Variants in ADAD2 observed in about 807,000 individuals in gnomAD.
ADAD2 encodes adenosine deaminase domain containing 2, also known as adenosine deaminase domain-containing protein 2.
ADAD2 carries 60 observed loss-of-function variants against 54.5 expected under a neutral mutation model. That is an observed-to-expected ratio of 1.10 (90% CI 0.89 to 1.36). ADAD2 has a LOEUF of 1.36. Among genes scored for constraint, ADAD2 ranks in the 40% most tolerant of loss-of-function variants. The pLI, the probability that ADAD2 is intolerant of heterozygous loss-of-function variation, is 0.00. For synonymous variants in ADAD2, 543 were observed against 366.2 expected, an observed-to-expected ratio of 1.48 and a Z score of -5.51; for missense variants, 1,103 against 801.3, an observed-to-expected ratio of 1.38 and a Z score of -4.54.
In ADAD2 at chr16:84,197,079, A is replaced by AAACTGGGGCTGGAGGG; in HGVS notation, c.*108_*123dup. On this transcript the variant is annotated 3_prime_UTR_variant, in exon 10 of 10. Coordinates refer to ENST00000315906, the MANE Select transcript of ADAD2 (RefSeq NM_001145400.2). The stretch of plus-strand genomic sequence containing the variant: ...GGGAGAACATGGGTTGTGCGGGGTG[A>AAACTGGGGCTGGAGGG]AACTGGGGCTGGAGGGAAGGAGGAG... The AAACTGGGGCTGGAGGG allele has an allele frequency of 8.5e-7, 1 of 1,181,050 alleles. No individual in the cohort carries two copies. Among genetic ancestry groups the AAACTGGGGCTGGAGGG allele is most frequent in the Admixed American group, 2.4e-5 (1 of 42,504 alleles). 73.2% of individuals were successfully genotyped at this position (1,181,050 alleles called of 1,614,324 possible).
intron 8 of ADAD2, 121 bp from the exon 9 acceptor site, chr16:84,196,522 CTCTG>C: frequency 1.9e-6 from 3 of 1,548,838 alleles, no homozygotes; most frequent in Non-Finnish European, 2.6e-6. Flanking sequence ...GTGGCCACAC[CTCTG>C]TCTGCCCTGT....
intron 1 of ADAD2, chr16:84,193,774 G>C: frequency 4.5e-6 from 2 of 446,242 alleles, no homozygotes; most frequent in East Asian, 3.4e-5. Context: ...GTCTGTCTGT[G>C]GTTGCTGGTT....
In ADAD2 at chr16:84,193,968, G is replaced by C. The variant is rs1237848939; in HGVS notation, c.419-474G>C. The stretch of plus-strand genomic sequence containing the variant: ...GTTCCAGATTTTTCATCTCTCTTTT[G>C]TGTTATAAGTAACACCCAAAATGAT... On this transcript the variant is annotated intron_variant, in intron 1 of 9. Coordinates refer to ENST00000315906, the MANE Select transcript of ADAD2 (RefSeq NM_001145400.2). 3 of 1,517,072 alleles carry C rather than the reference G, an allele frequency of 2.0e-6. No homozygotes were observed. The South Asian group carries it at 3.8e-5, about 19-fold the overall frequency. 94.0% of individuals were successfully genotyped at this position (1,517,072 alleles called of 1,614,324 possible).
chr16:84,195,339 G>C lies in ADAD2; in HGVS notation c.777G>C (p.Leu259=). The change falls in exon 5 of 10, where the codon CTG becomes CTC. Residue 259 remains leucine, a synonymous_variant. Transcript: ENST00000315906. ...ARGHVKEIYK[L]VALGTGSSCC... Reference sequence around the variant, plus strand: ...GCCACGTGAAGGAGATCTACAAGCTGGTGGCTCTGGGCACCGGCAGCAGCT... The same window carrying C: ...GCCACGTGAAGGAGATCTACAAGCTCGTGGCTCTGGGCACCGGCAGCAGCT... 6.2e-7 allele frequency: 1 copy of C among 1,610,554 alleles called. No individual in the cohort carries two copies. Among genetic ancestry groups the C allele is most frequent in the Non-Finnish European group, 8.5e-7 (1 of 1,179,764 alleles).
chr16:84,194,251 C>A, intron 1 of ADAD2, 191 bp from the exon 2 acceptor site: 1 of 1,553,842 alleles, frequency 6.4e-7, no homozygotes, highest in South Asian at 1.2e-5. Flanking sequence ...AGCGATGGGT[C>A]ACAGCCTGCA....
chr16:84,194,817 G>A (rs1367438861), intron 2 of ADAD2, 116 bp from the exon 3 acceptor site: 15 of 1,309,496 alleles, frequency 1.1e-5, no homozygotes, highest in South Asian at 7.1e-5. Flanking sequence ...AGAGCAGCTC[G>A]TGTAATGTCC....
In ADAD2 at chr16:84,197,005, G is replaced by A. The variant is rs1346529909; in HGVS notation, c.*31G>A. 1.9e-6 allele frequency: 3 copies of A among 1,559,818 alleles called. No homozygotes were observed. Among genetic ancestry groups the A allele is most frequent in the Non-Finnish European group, 1.7e-6 (2 of 1,151,918 alleles). ...GCCTCGGCGGGACCGAGGTCCCGGA[G>A]CCAAGCTGTACCCCTGCTGGGGGAG... On this transcript the variant is annotated 3_prime_UTR_variant, in exon 10 of 10. Coordinates refer to ENST00000315906, the MANE Select transcript of ADAD2 (RefSeq NM_001145400.2).
chr16:84,191,269 T>A lies in ADAD2; in HGVS notation c.39T>A (p.Ser13Arg). 1 of 1,600,778 alleles carries A rather than the reference T, an allele frequency of 6.2e-7. No homozygotes were observed. Among genetic ancestry groups the A allele is most frequent in the South Asian group, 1.1e-5 (1 of 90,362 alleles). ...CTCAGGGCGCTGACGACGACGGCAG[T>A]CGTAGGAAGCCCCGCCTGGCTGCAT... The part of the protein sequence containing the change: ...SASQGADDDG[S>R]RRKPRLAASL... Residue 13 changes from serine (S) to arginine (R), a missense_variant, in exon 1 of 10, where the codon AGT becomes AGA. By Grantham distance (110) the Ser-to-Arg change is moderately radical. Coordinates refer to ENST00000315906, the MANE Select transcript of ADAD2 (RefSeq NM_001145400.2).
At chr16:84,192,363 T>C (rs2089666724) in intron 1 of ADAD2, among the ~76,000 whole-genome samples, 1 of 152,114 alleles carries the variant, frequency 6.6e-6, no homozygotes, top group Non-Finnish European at 1.5e-5. Flanking sequence ...TTGCCAAGAT[T>C]GTTCTTGAAG....
At chr16:84,194,617 C>G (rs1039687193) in intron 2 of ADAD2, 35 bp downstream of exon 2, 2 of 1,583,106 alleles carry the variant, frequency 1.3e-6, no homozygotes, top group Non-Finnish European at 1.7e-6. Flanking sequence ...TGAGCCGCAG[C>G]TGGGGACAAG....
At chr16:84,193,995 C>T (rs759942759) in intron 1 of ADAD2, 16 of 1,559,952 alleles carry the variant, frequency 1.0e-5, no homozygotes, top group Non-Finnish European at 1.4e-5. Context: ...CAAAATGATA[C>T]TGTTTCATAG....
Position 84,195,800 on chromosome 16 carries a change from C to G in ADAD2, c.1053-15C>G, listed in dbSNP as rs752069129. On this transcript the variant is annotated splice_polypyrimidine_tract_variant and intron_variant, in intron 6 of 9. Coordinates refer to ENST00000315906, the MANE Select transcript of ADAD2 (RefSeq NM_001145400.2). Reference sequence around the variant, plus strand: ...GCAGCCCTGAAGCTGATGTCTGTCCCCACCCGGCCCGCAGCCTGCCCCCCA... The same window carrying G: ...GCAGCCCTGAAGCTGATGTCTGTCCGCACCCGGCCCGCAGCCTGCCCCCCA... 3.2e-5 allele frequency: 50 copies of G among 1,583,490 alleles called. 1 individual carries two copies. Among genetic ancestry groups the G allele is most frequent in the Non-Finnish European group, 4.1e-5 (48 of 1,164,926 alleles).
rs764535368 is a variant in ADAD2 at position 84,195,799 on chromosome 16, C to T, written c.1053-16C>T. The T allele has an allele frequency of 8.8e-6, 14 of 1,582,250 alleles. No individual in the cohort carries two copies. Among genetic ancestry groups the T allele is most frequent in the Non-Finnish European group, 1.2e-5 (14 of 1,164,242 alleles). On this transcript the variant is annotated splice_polypyrimidine_tract_variant and intron_variant, in intron 6 of 9. Coordinates refer to ENST00000315906, the MANE Select transcript of ADAD2 (RefSeq NM_001145400.2). ...AGCAGCCCTGAAGCTGATGTCTGTCCCCACCCGGCCCGCAGCCTGCCCCCC... is the reference window on the plus strand; with the variant it reads ...AGCAGCCCTGAAGCTGATGTCTGTCTCCACCCGGCCCGCAGCCTGCCCCCC...
rs942160949 is a variant in ADAD2 at position 84,194,827 on chromosome 16, C to T, written c.560-106C>T. The T allele has an allele frequency of 4.4e-6, 6 of 1,350,618 alleles. No individual in the cohort carries two copies. The East Asian group carries it at 1.0e-4, about 22-fold the overall frequency. 83.7% of individuals were successfully genotyped at this position (1,350,618 alleles called of 1,614,324 possible). On this transcript the variant is annotated intron_variant, in intron 2 of 9. Coordinates refer to ENST00000315906, the MANE Select transcript of ADAD2 (RefSeq NM_001145400.2). ...CTAGAAGAGCAGCTCGTGTAATGTC[C>T]TGTGTCTGGAAGATGAAAACTTCCT...
intron 1 of ADAD2, chr16:84,193,014 T>G (rs566260527): frequency 1.3e-5 from 2 of 152,222 alleles, no homozygotes; most frequent in African/African-American, 4.8e-5. Flanking sequence ...CCAGCTAATT[T>G]TTTTGTGTTT....
intron 1 of ADAD2, 113 bp downstream of exon 1, chr16:84,191,761 G>C: frequency 1.4e-6 from 2 of 1,467,152 alleles, no homozygotes; most frequent in Non-Finnish European, 1.8e-6. Flanking sequence ...CCTATGCTCA[G>C]AGACACCGCC....
rs2089706917 is a variant in ADAD2 at position 84,194,951 on chromosome 16, G to C, written c.578G>C (p.Ser193Thr). 1 of 1,611,996 alleles carries C rather than the reference G, an allele frequency of 6.2e-7. No individual in the cohort carries two copies. The highest frequency in any genetic ancestry group is 8.5e-7 in the Non-Finnish European group (1 of 1,179,168). Residue 193 changes from serine (S) to threonine (T), a missense_variant, in exon 3 of 10, where the codon AGC becomes ACC. Coordinates refer to ENST00000315906, the MANE Select transcript of ADAD2 (RefSeq NM_001145400.2). ...CTTTCAGAGTCCCCCCAGACCTCCA[G>C]CCGGCCTCCACTGGCCCCCCTGAGC... ...LENPESPQTS[S>T]RPPLAPLSVE...
At chr16:84,195,013 T>C (rs766574814) in intron 3 of ADAD2, 33 bp downstream of exon 3, 2 of 1,612,472 alleles carry the variant, frequency 1.2e-6, no homozygotes, top group African/African-American at 1.3e-5. Context: ...AGGCTTGTAG[T>C]GTCGAGGGGA....
chr16:84,194,292 T>G, intron 1 of ADAD2, 150 bp from the exon 2 acceptor site: 1 of 1,549,250 alleles, frequency 6.5e-7, no homozygotes, highest in Non-Finnish European at 8.7e-7. Flanking sequence ...CGGCATGGGG[T>G]GGCGATGGAG....
Sources: gnomAD v4.1 joint callset for allele counts (sites outside exome capture counted in the v4.1 genomes callset) on GRCh38, gnomAD v4.1.1 for gene constraint, MANE v1.5 for transcripts, NCBI Gene and HGNC (gene_info 2026-07-23, HGNC 2026-07-21) for gene names.